Variants in MOK observed in about 807,000 individuals in gnomAD.
MOK encodes MAPK/MAK/MRK overlapping kinase.
In MOK, 59 loss-of-function variants were observed where a neutral mutation model predicts 54.2. The ratio of observed to expected loss-of-function variants is 1.09; its 90% CI spans 0.88 to 1.35. The LOEUF is 1.35. Among genes scored for constraint, MOK ranks in the 40% most tolerant of loss-of-function variants. The pLI is 0.00. For missense variants in MOK, 517 were observed against 526.2 expected (o/e 0.98, Z 0.17); for synonymous variants, 210 against 202.7 (o/e 1.04, Z -0.31).
At chr14:102,299,875 G>A (rs992977663) in intron 1 of MOK, among the ~76,000 whole-genome samples, 1 of 152,152 alleles carries the variant, frequency 6.6e-6, no homozygotes, top group Non-Finnish European at 1.5e-5. Flanking sequence ...GAGCCACCAT[G>A]CCTGGCCACT....
rs1414945280 is a variant in MOK at position 102,235,679 on chromosome 14, G to A, written c.591-1890C>T. 2 of 152,120 alleles carry A rather than the reference G, an allele frequency of 1.3e-5. No homozygotes were observed. Among genetic ancestry groups the A allele is most frequent in the African/African-American group, 4.8e-5 (2 of 41,392 alleles). 9.4% of individuals were successfully genotyped at this position (152,120 alleles called of 1,614,324 possible). A position where few individuals can be genotyped will look rare whatever the true frequency, so the allele number is the denominator to read the frequency against. ...GAAAACCCTGCCCAATTCCTTTCTC[G>A]CCTTACAGAGACTCTCCAAAAATAC... On this transcript the variant is annotated intron_variant, in intron 7 of 11. Transcript: ENST00000361847. This position sits in a 1 kb window ranked among gnomAD's most constrained non-coding sequence, Gnocchi z 4.4.
the MOK span, chr14:102,215,121 C>G: frequency 4.5e-6 from 2 of 446,492 alleles, no homozygotes; most frequent in Non-Finnish European, 3.0e-6. Context: ...GTTTATAGAA[C>G]AGCCAGCCAC....
chr14:102,293,848 C>T (rs28374145), intron 1 of MOK, among the ~76,000 whole-genome samples: 11 of 151,486 alleles, frequency 7.3e-5, no homozygotes, highest in African/African-American at 1.7e-4. Context: ...ACTCAATGTT[C>T]GCAATGAATA....
rs772464271 is a variant in MOK, at chr14:102,265,900, G to T, written c.135C>A (p.Val45=). The T allele has an allele frequency of 6.2e-7, 1 of 1,613,430 alleles. No homozygotes were observed. The highest frequency in any genetic ancestry group is 1.1e-5 in the South Asian group (1 of 91,022). Residue 45 remains valine, a synonymous_variant, in exon 3 of 12, where the codon GTC becomes GTA. Transcript: ENST00000361847. ...GTGCTTGGATCTCTCGTAGGTTGTT[G>T]ACTTGCTCAATACTATCGTGTAGGT... The part of the protein sequence containing the change: ...MKQRFESIEQ[V]NNLREIQALR...
intron 2 of MOK, among the ~76,000 whole-genome samples, chr14:102,282,438 A>G (rs2069543641): frequency 6.6e-6 from 1 of 152,086 alleles, no homozygotes; most frequent in Non-Finnish European, 1.5e-5. Flanking sequence ...TTGCATTTAT[A>G]GAAGTCCAAC....
intron 2 of MOK, among the ~76,000 whole-genome samples, chr14:102,273,495 C>T (rs959431720): frequency 1.3e-5 from 2 of 151,916 alleles, no homozygotes; most frequent in South Asian, 2.1e-4. Flanking sequence ...CAGCTGAAAC[C>T]GTCCAGGCAA....
downstream of MOK, chr14:102,226,318 C>T: frequency 1.4e-6 from 1 of 703,046 alleles, no homozygotes; most frequent in Non-Finnish European, 2.6e-6. This position sits in a 1 kb window ranked among gnomAD's most constrained non-coding sequence, Gnocchi z 4.8. Flanking sequence ...GGCCGGGCAG[C>T]ATGCAGGTGC....
chr14:102,287,871 G>C lies in MOK; in HGVS notation c.8-4279C>G, dbSNP rs1257976897. On this transcript the variant is annotated intron_variant, in intron 1 of 11. Coordinates refer to ENST00000361847, the MANE Select transcript of MOK (RefSeq NM_014226.3). ...GACGGAGTCTTGCTCTGTCGCCCAG[G>C]CCGGACTGCGGACTGCAGTGGCGCA... is the stretch of plus-strand genomic sequence containing the variant. 5.6e-4 allele frequency among the ~76,000 whole-genome samples: 82 copies of C among 147,084 alleles called. 2 individuals carry two copies. The Admixed American group carries it at 5.6e-3, about 10-fold the overall frequency.
intron 4 of MOK, among the ~76,000 whole-genome samples, chr14:102,253,350 C>T (rs1367371699): frequency 2.6e-5 from 4 of 152,220 alleles, no homozygotes; most frequent in African/African-American, 2.4e-5. Flanking sequence ...ACTGAGCAAT[C>T]GTCACACAAG....
chr14:102,253,911 C>CT (rs1250297851), intron 4 of MOK, among the ~76,000 whole-genome samples: 1 of 151,916 alleles, frequency 6.6e-6, no homozygotes, highest in Non-Finnish European at 1.5e-5. Context: ...TAAAATTATT[C>CT]TTTTTCTCTA....
intron 6 of MOK, 95 bp downstream of exon 6, chr14:102,251,661 C>T: frequency 2.0e-6 from 2 of 990,810 alleles, no homozygotes; most frequent in Non-Finnish European, 3.2e-6. Flanking sequence ...GCCGCATGGA[C>T]TGAAAGTTCC....
In MOK at chr14:102,245,857, C is replaced by G. The variant is rs988760531; in HGVS notation, c.590+4955G>C. On this transcript the variant is annotated intron_variant, in intron 7 of 11. Transcript: ENST00000361847. This position sits in a 1 kb window ranked among gnomAD's most constrained non-coding sequence, Gnocchi z 4.3. ...AAAGAGAGCTCCCACCTCCGATCCT[C>G]CAACCAGCACCTCACCAACTTCTAA... 6.6e-6 allele frequency among the ~76,000 whole-genome samples: 1 copy of G among 152,146 alleles called. No homozygotes were observed. Among genetic ancestry groups the G allele is most frequent in the Non-Finnish European group, 1.5e-5 (1 of 68,026 alleles).
intron 7 of MOK, 58 bp from the exon 8 acceptor site, chr14:102,233,847 C>G: frequency 7.8e-7 from 1 of 1,282,722 alleles, no homozygotes; most frequent in Non-Finnish European, 1.1e-6. Context: ...CAGACCTCAC[C>G]AATTACAAAC....
chr14:102,229,685 C>T lies in MOK; in HGVS notation c.982-28G>A, dbSNP rs550281723. 1,102 of 1,552,942 alleles carry T rather than the reference C, an allele frequency of 7.1e-4. 20 individuals carry two copies. In the South Asian group the frequency reaches 0.012, roughly 18 times the overall value. ...TGAAACAGAACAGAGGCCAGTTGGACATAAAACGCTTTCTGCTTTATGGAA... is the reference window on the plus strand; with the variant it reads ...TGAAACAGAACAGAGGCCAGTTGGATATAAAACGCTTTCTGCTTTATGGAA... On this transcript the variant is annotated intron_variant, in intron 10 of 11. Transcript: ENST00000361847.
chr14:102,260,216 T>C (rs896820665), intron 4 of MOK, among the ~76,000 whole-genome samples: 14 of 147,928 alleles, frequency 9.5e-5, no homozygotes, highest in Non-Finnish European at 1.9e-4. Flanking sequence ...CATGGTGGCG[T>C]GCTCCTGTAG....
Position 102,231,942 on chromosome 14 carries a change from C to T in MOK, c.867-121G>A. On this transcript the variant is annotated intron_variant, in intron 9 of 11. Transcript: ENST00000361847. The surrounding 1 kb of genome is among the most constrained non-coding windows in gnomAD (Gnocchi z 4.4). ...AGTTGTCACTAGCTCTTCTTTTCTGCCTGAGCTGTAATCAGGAGCCTTTTT... is the reference window on the plus strand; with the variant it reads ...AGTTGTCACTAGCTCTTCTTTTCTGTCTGAGCTGTAATCAGGAGCCTTTTT... The T allele has an allele frequency of 2.7e-6, 2 of 748,978 alleles. No individual in the cohort carries two copies. The highest frequency in any genetic ancestry group is 2.7e-5 in the Admixed American group (1 of 37,442). 46.4% of individuals were successfully genotyped at this position (748,978 alleles called of 1,614,324 possible).
chr14:102,259,967 C>T (rs1266143303), intron 4 of MOK, among the ~76,000 whole-genome samples: 2 of 152,078 alleles, frequency 1.3e-5, no homozygotes, highest in African/African-American at 2.4e-5. Context: ...CACCTGAGGT[C>T]GGGAGTTCAA....
chr14:102,235,264 CCTCT>C lies in MOK; in HGVS notation c.591-1479_591-1476del, dbSNP rs1030312156. On this transcript the variant is annotated intron_variant, in intron 7 of 11. Transcript: ENST00000361847. This position sits in a 1 kb window ranked among gnomAD's most constrained non-coding sequence, Gnocchi z 4.4. Reference sequence around the variant, plus strand: ...TGGTCCGTGTCCACGTCCCATTTTCCCTCTCTAATGTTTCCCAAATTGAGAAACG... The same window carrying C: ...TGGTCCGTGTCCACGTCCCATTTTCCCTAATGTTTCCCAAATTGAGAAACG... The C allele has an allele frequency of 2.0e-4, 30 of 152,374 alleles. No individual in the cohort carries two copies. Among genetic ancestry groups the C allele is most frequent in the African/African-American group, 7.0e-4 (29 of 41,572 alleles). The allele number at this position is 152,374 out of a possible 1,614,324, so 9.4% of individuals were successfully genotyped here.
At chr14:102,220,757 T>C (rs1382763698), downstream of MOK, among the ~76,000 whole-genome samples, 1 of 151,380 alleles carries the variant, frequency 6.6e-6, no homozygotes, top group Non-Finnish European at 1.5e-5. This position sits in a 1 kb window ranked among gnomAD's most constrained non-coding sequence, Gnocchi z 4.2. Context: ...AAAATTAATG[T>C]CACTTGTTTT....
Sources: allele counts gnomAD v4.1 joint callset (sites outside exome capture counted in the v4.1 genomes callset), GRCh38; gene constraint gnomAD v4.1.1; non-coding constraint Gnocchi (gnomAD v3.1); transcripts MANE v1.5; gene names NCBI Gene and HGNC (gene_info 2026-07-23, HGNC 2026-07-21).